The following WDR7 variants were observed in gnomAD, a reference collection of about 807,000 sequenced individuals.
WDR7 encodes the protein WD repeat domain 7.
A neutral mutation model predicts 169.4 loss-of-function variants in WDR7; 46 were observed. The ratio of observed to expected loss-of-function variants is 0.27; its 90% CI spans 0.21 to 0.35. The LOEUF (loss-of-function observed/expected upper bound fraction) is 0.35, where lower values mean the gene tolerates loss of function less well. WDR7 is among the 10% of genes least tolerant of loss of function. The pLI is 1.00. For missense variants in WDR7, 1,534 were observed against 1,859.3 expected, an observed-to-expected ratio of 0.83 and a Z score of 3.22; for synonymous variants, 612 against 666.8, an observed-to-expected ratio of 0.92 and a Z score of 1.27.
intron 25 of WDR7, among the ~76,000 whole-genome samples, 165 bp from the exon 26 acceptor site, chr18:56,962,265 T>C (rs2047348337): frequency 6.6e-6 from 1 of 152,138 alleles, no homozygotes; most frequent in African/African-American, 2.4e-5. Flanking sequence ...ATTACTAAAA[T>C]GAAACATTTT....
chr18:56,895,704 T>C (rs1376969333), intron 21 of WDR7, among the ~76,000 whole-genome samples: 3 of 151,732 alleles, frequency 2.0e-5, no homozygotes, highest in Non-Finnish European at 4.4e-5. Flanking sequence ...ATCTACCATG[T>C]ACCCATAAAA....
intron 12 of WDR7, among the ~76,000 whole-genome samples, chr18:56,717,054 T>C (rs2026209858): frequency 6.6e-6 from 1 of 152,166 alleles, no homozygotes; most frequent in Non-Finnish European, 1.5e-5. Context: ...AGTATATTTA[T>C]AGTGCAGTGG....
chr18:57,021,121 C>G (rs1284478552), intron 27 of WDR7, among the ~76,000 whole-genome samples: 2 of 152,222 alleles, frequency 1.3e-5, no homozygotes, highest in Admixed American at 1.3e-4. Flanking sequence ...CAATTATGGT[C>G]CCAGGGGAGC....
intron 1 of WDR7, among the ~76,000 whole-genome samples, chr18:56,654,450 G>C (rs892443145): frequency 2.0e-5 from 3 of 152,172 alleles, no homozygotes; most frequent in African/African-American, 7.2e-5. Flanking sequence ...ATTTCTTCAT[G>C]TGTGTTTTAT....
chr18:56,886,451 C>G (rs1174826571), intron 21 of WDR7, among the ~76,000 whole-genome samples: 2 of 152,144 alleles, frequency 1.3e-5, no homozygotes, highest in Non-Finnish European at 2.9e-5. Context: ...TTGCCTCTAC[C>G]AAGCCAGCAC....
At chr18:57,004,933 A>G (rs1363377350) in intron 26 of WDR7, among the ~76,000 whole-genome samples, 1 of 152,168 alleles carries the variant, frequency 6.6e-6, no homozygotes, top group African/African-American at 2.4e-5. Context: ...GTAGTTCTGT[A>G]TTAACTCGTA....
At chr18:56,967,902 A>G (rs867717224) in intron 26 of WDR7, among the ~76,000 whole-genome samples, 3 of 152,344 alleles carry the variant, frequency 2.0e-5, no homozygotes, top group Middle Eastern at 3.4e-3. Context: ...GTTATACTGT[A>G]TTGGTTAGGG....
chr18:56,699,966 A>G (rs752049582), intron 12 of WDR7: 196 of 803,648 alleles, frequency 2.4e-4, no homozygotes, highest in Non-Finnish European at 2.8e-4. Flanking sequence ...AGCTGTTTTT[A>G]ATATCTTTTT....
At position 56,936,977 on chromosome 18, in the gene WDR7, T is replaced by C. The variant is rs141508674; in HGVS notation, c.3831+1072T>C. 1.5e-3 allele frequency among the ~76,000 whole-genome samples: 229 copies of C among 152,058 alleles called. 2 individuals carry two copies. Among genetic ancestry groups the C allele is most frequent in the African/African-American group, 5.4e-3 (224 of 41,328 alleles). Reference sequence around the variant, plus strand: ...GCATAAATGGCCAATTTTATTAGTCTTGGAAGGTTTTTTTTGCCAGTTTTT... The same window carrying C: ...GCATAAATGGCCAATTTTATTAGTCCTGGAAGGTTTTTTTTGCCAGTTTTT... On this transcript the variant is annotated intron_variant, in intron 23 of 27. Coordinates refer to ENST00000254442, the MANE Select transcript of WDR7 (RefSeq NM_015285.3).
chr18:56,966,863 G>T (rs1262952139), intron 26 of WDR7, among the ~76,000 whole-genome samples: 2 of 152,048 alleles, frequency 1.3e-5, no homozygotes, highest in African/African-American at 4.8e-5. Flanking sequence ...GTTCAAACTG[G>T]ATTCAAGAAG....
chr18:56,958,677 A>G (rs2047292081), intron 25 of WDR7, among the ~76,000 whole-genome samples: 2 of 152,124 alleles, frequency 1.3e-5, no homozygotes, highest in Admixed American at 6.6e-5. Context: ...TAAATCTACA[A>G]TTGTTTGTTT....
chr18:57,000,381 C>A (rs1326518744), intron 26 of WDR7, among the ~76,000 whole-genome samples: 1 of 152,084 alleles, frequency 6.6e-6, no homozygotes, highest in Admixed American at 6.5e-5. Flanking sequence ...GTCAATTAAG[C>A]ACGATATAAA....
chr18:57,027,875 C>T lies in WDR7; in HGVS notation c.*668C>T, dbSNP rs2048389976. 1.3e-5 allele frequency: 2 copies of T among 151,978 alleles called. No individual in the cohort carries two copies. Among genetic ancestry groups the T allele is most frequent in the African/African-American group, 2.4e-5 (1 of 41,050 alleles). 9.4% of individuals were successfully genotyped at this position (151,978 alleles called of 1,614,324 possible). ...CTTGTAGAAAATAGTTTTCCAGACACTTAGCCTTCTGAAGTGCTCATCTCT... is the reference window on the plus strand; with the variant it reads ...CTTGTAGAAAATAGTTTTCCAGACATTTAGCCTTCTGAAGTGCTCATCTCT... On this transcript the variant is annotated 3_prime_UTR_variant, in exon 28 of 28. Transcript: ENST00000254442.
At chr18:56,813,693 TG>T (rs1158547688) in intron 19 of WDR7, among the ~76,000 whole-genome samples, 3 of 152,154 alleles carry the variant, frequency 2.0e-5, no homozygotes, top group South Asian at 2.1e-4. Flanking sequence ...TTATGAATTC[TG>T]GAGACTATCT....
chr18:56,917,882 G>A (rs114853902), intron 21 of WDR7, among the ~76,000 whole-genome samples: 2,316 of 151,846 alleles, frequency 0.015, 62 homozygotes, highest in African/African-American at 0.05. Flanking sequence ...ATTAAAGTTG[G>A]GACTCTTAAG....
intron 16 of WDR7, among the ~76,000 whole-genome samples, chr18:56,767,574 TTTTG>T (rs1486362293): frequency 2.6e-5 from 4 of 152,334 alleles, no homozygotes; most frequent in Admixed American, 6.5e-5. Flanking sequence ...CATTTTGTCA[TTTTG>T]TTTGTTTGTT....
intron 26 of WDR7, among the ~76,000 whole-genome samples, chr18:56,971,620 C>A (rs2047487340): frequency 1.3e-5 from 2 of 151,996 alleles, no homozygotes. Context: ...TGTTTAGGGT[C>A]TGGGGAGGAT....
At chr18:56,855,049 C>A (rs2045698130) in intron 20 of WDR7, among the ~76,000 whole-genome samples, 1 of 152,082 alleles carries the variant, frequency 6.6e-6, no homozygotes, top group Admixed American at 6.5e-5. Context: ...ACATTCTTAT[C>A]CAAGATGTAT....
intron 26 of WDR7, among the ~76,000 whole-genome samples, chr18:57,014,820 TGAAAG>T (rs1022373553): frequency 1.3e-5 from 2 of 151,640 alleles, no homozygotes; most frequent in African/African-American, 4.8e-5. Flanking sequence ...AAATAAAACC[TGAAAG>T]GAAAGGTTAT....
Sources: allele counts gnomAD v4.1 joint callset (sites outside exome capture counted in the v4.1 genomes callset), GRCh38; gene constraint gnomAD v4.1.1; transcripts MANE v1.5; gene names NCBI Gene and HGNC (gene_info 2026-07-23, HGNC 2026-07-21).